Variants in CDK5RAP2 observed in about 807,000 individuals in gnomAD.
CDK5RAP2 encodes CDK5 regulatory subunit-associated protein 2.
In CDK5RAP2, 147 loss-of-function variants were observed where a neutral mutation model predicts 232.9. The ratio of observed to expected loss-of-function variants is 0.63; its 90% CI spans 0.55 to 0.72. The LOEUF (loss-of-function observed/expected upper bound fraction) is 0.72. CDK5RAP2 is among the 30% of genes least tolerant of loss of function. The probability of loss-of-function intolerance (pLI) is 0.00; values close to 1 mark genes in which losing one functional copy is unlikely to be tolerated. For synonymous variants in CDK5RAP2, 833 were observed against 833.7 expected, an observed-to-expected ratio of 1.00 and a Z score of 0.01; for missense variants, 2,195 against 2,231.5, an observed-to-expected ratio of 0.98 and a Z score of 0.33.
At chr9:120,552,195 A>G (rs2042067003) in intron 3 of CDK5RAP2, among the ~76,000 whole-genome samples, 1 of 152,000 alleles carries the variant, frequency 6.6e-6, no homozygotes, top group African/African-American at 2.4e-5. Context: ...AGGAAACAAC[A>G]GGTGCTGGAG....
Position 120,471,863 on chromosome 9 carries a change from C to T in CDK5RAP2, c.1743G>A (p.Gln581=). 6.2e-7 allele frequency: 1 copy of T among 1,614,118 alleles called. No individual in the cohort carries two copies. Among genetic ancestry groups the T allele is most frequent in the Non-Finnish European group, 8.5e-7 (1 of 1,179,970 alleles). The stretch of plus-strand genomic sequence containing the variant: ...GGGCAAAAATCTTGTTTAACTCAGC[C>T]TGCAGGTTGTTGATACTTGGTAAAA... The part of the protein sequence containing the change: ...LQESDSINNL[Q]AELNKIFALR... Residue 581 remains glutamine (Q), a synonymous_variant, in exon 16 of 38, where the codon CAG becomes CAA. Transcript: ENST00000349780.
At chr9:120,492,651 T>A (rs2038965364) in intron 12 of CDK5RAP2, among the ~76,000 whole-genome samples, 1 of 152,200 alleles carries the variant, frequency 6.6e-6, no homozygotes. Flanking sequence ...TGAAGCAGAA[T>A]AATTTGTACA....
In CDK5RAP2 at chr9:120,453,745, T is replaced by C. The variant is rs2036601047; in HGVS notation, c.2504A>G (p.His835Arg). The C allele has an allele frequency of 6.2e-7, 1 of 1,614,200 alleles. No individual in the cohort carries two copies. Among genetic ancestry groups the C allele is most frequent in the Non-Finnish European group, 8.5e-7 (1 of 1,180,038 alleles). ...KTPKQKGELV[H>R]FVQTNSFSKP... The stretch of plus-strand genomic sequence containing the variant: ...GGAAAATGAGTTGGTTTGGACAAAA[T>C]GTACAAGTTCACCTTTTTGCTTAGG... The change falls in exon 21 of 38, where the codon CAT becomes CGT. Residue 835 changes from histidine to arginine, a missense_variant. His to Arg is a conservative substitution (Grantham distance 29, BLOSUM62 0). Coordinates refer to ENST00000349780, the MANE Select transcript of CDK5RAP2 (RefSeq NM_018249.6).
At chr9:120,496,042 T>C (rs1381673833) in intron 12 of CDK5RAP2, among the ~76,000 whole-genome samples, 34 of 60,120 alleles carry the variant, frequency 5.7e-4, no homozygotes, top group African/African-American at 1.5e-3. Flanking sequence ...GGGTCAGCCC[T>C]CCGCCCGGCC....
chr9:120,508,540 T>C (rs1335731545), intron 12 of CDK5RAP2, among the ~76,000 whole-genome samples: 2 of 152,242 alleles, frequency 1.3e-5, no homozygotes, highest in Non-Finnish European at 2.9e-5. Context: ...ACTGCACAAG[T>C]TCTGAGCAAA....
intron 2 of CDK5RAP2, among the ~76,000 whole-genome samples, chr9:120,570,989 G>A (rs539416104): frequency 1.3e-5 from 2 of 152,168 alleles, no homozygotes; most frequent in African/African-American, 2.4e-5. Context: ...TGGCAAAACC[G>A]TCCTGCAAAA....
rs768075747 is a variant in CDK5RAP2, at chr9:120,389,197, G to A, written c.*39C>T. ...TGGAACAAAGAGACAGCGTGAGCTC[G>A]GTGGGGGAAGCACAAGCTTTATTGG... On this transcript the variant is annotated 3_prime_UTR_variant, in exon 38 of 38. Coordinates refer to ENST00000349780, the MANE Select transcript of CDK5RAP2 (RefSeq NM_018249.6). 2.1e-5 allele frequency: 33 copies of A among 1,559,162 alleles called. No individual in the cohort carries two copies. The highest frequency in any genetic ancestry group is 4.1e-5 in the African/African-American group (3 of 73,746).
intron 15 of CDK5RAP2, among the ~76,000 whole-genome samples, chr9:120,476,095 AAC>A (rs1423203250): frequency 1.3e-5 from 2 of 152,194 alleles, no homozygotes; most frequent in African/African-American, 2.4e-5. Context: ...TACAGGCAGG[AAC>A]ACACAGCCCA....
intron 7 of CDK5RAP2, among the ~76,000 whole-genome samples, chr9:120,533,431 A>G (rs1316116666): frequency 2.6e-5 from 4 of 152,018 alleles, no homozygotes; most frequent in Non-Finnish European, 5.9e-5. Flanking sequence ...CCTCCACCCA[A>G]AAACATTTCC....
At chr9:120,540,117 T>TCTC (rs1253290210) in intron 5 of CDK5RAP2, among the ~76,000 whole-genome samples, 1 of 152,090 alleles carries the variant, frequency 6.6e-6, no homozygotes, top group East Asian at 1.9e-4. Flanking sequence ...TGGAATATTC[T>TCTC]CTCCACATGA....
intron 22 of CDK5RAP2, among the ~76,000 whole-genome samples, chr9:120,446,944 C>G (rs76040458): frequency 6.6e-6 from 1 of 152,152 alleles, no homozygotes; most frequent in African/African-American, 2.4e-5. Flanking sequence ...TATTTTCTCA[C>G]GTTGTACATA....
At chr9:120,413,824 GGAGGGA>G (rs2034020453) in intron 28 of CDK5RAP2, among the ~76,000 whole-genome samples, 2 of 134,634 alleles carry the variant, frequency 1.5e-5, no homozygotes, top group African/African-American at 6.6e-5. Flanking sequence ...GGAGGAGGGA[GGAGGGA>G]GGAGGGAGGA....
chr9:120,526,376 A>T (rs145652715), intron 10 of CDK5RAP2, among the ~76,000 whole-genome samples: 1 of 152,146 alleles, frequency 6.6e-6, no homozygotes, highest in Non-Finnish European at 1.5e-5. Context: ...AGTCAGTGGC[A>T]CCACCATACC....
Position 120,470,141 on chromosome 9 carries a change from T to C in CDK5RAP2, c.1938A>G (p.Glu646=). Reference sequence around the variant, plus strand: ...TCTTAAGTTCTTCTTGAGAAAAATGTTCCACTTGAAACCGATTGTTTTCTT... The same window carrying C: ...TCTTAAGTTCTTCTTGAGAAAAATGCTCCACTTGAAACCGATTGTTTTCTT... ...CLEENNRFQV[E]HFSQEELKKK... The change falls in exon 17 of 38, where the codon GAA becomes GAG. Residue 646 remains glutamate (E), a synonymous_variant. Coordinates refer to ENST00000349780, the MANE Select transcript of CDK5RAP2 (RefSeq NM_018249.6). 1 of 1,582,112 alleles carries C rather than the reference T, an allele frequency of 6.3e-7. No homozygotes were observed. The highest frequency in any genetic ancestry group is 8.7e-7 in the Non-Finnish European group (1 of 1,152,528).
chr9:120,555,981 G>T (rs1395439135), intron 3 of CDK5RAP2, among the ~76,000 whole-genome samples: 1 of 152,180 alleles, frequency 6.6e-6, no homozygotes, highest in Non-Finnish European at 1.5e-5. Context: ...TCTGGGAAAA[G>T]CAAAATTACA....
chr9:120,534,868 G>A lies in CDK5RAP2; in HGVS notation c.662+1504C>T, dbSNP rs558201734. On this transcript the variant is annotated intron_variant, in intron 7 of 37. Coordinates refer to ENST00000349780, the MANE Select transcript of CDK5RAP2 (RefSeq NM_018249.6). ...AAGACAAGCCCATAAGCCTTCTAAGGGCTTCACTGCTGATGGGTTGGGAGA... is the reference window on the plus strand; with the variant it reads ...AAGACAAGCCCATAAGCCTTCTAAGAGCTTCACTGCTGATGGGTTGGGAGA... Among the ~76,000 whole-genome samples, 228 of 152,286 alleles carry A rather than the reference G, an allele frequency of 1.5e-3. 1 individual carries two copies. The highest frequency in any genetic ancestry group is 5.3e-3 in the African/African-American group (222 of 41,576).
chr9:120,428,708 A>T (rs1266618189), intron 25 of CDK5RAP2, among the ~76,000 whole-genome samples: 1 of 152,198 alleles, frequency 6.6e-6, no homozygotes, highest in African/African-American at 2.4e-5. Flanking sequence ...TTCCTTCTGA[A>T]ACTATTCCAA....
chr9:120,454,792 C>T (rs1213685345), intron 20 of CDK5RAP2, among the ~76,000 whole-genome samples: 3 of 152,214 alleles, frequency 2.0e-5, no homozygotes, highest in South Asian at 2.1e-4. Context: ...ATCCTTCAGA[C>T]GGACCACACA....
intron 11 of CDK5RAP2, among the ~76,000 whole-genome samples, chr9:120,520,283 T>C (rs1221647494): frequency 6.6e-6 from 1 of 152,214 alleles, no homozygotes; most frequent in East Asian, 1.9e-4. Context: ...AGTGGCTCGC[T>C]GCCTGTAATC....
Sources: allele counts gnomAD v4.1 joint callset (sites outside exome capture counted in the v4.1 genomes callset), GRCh38; gene constraint gnomAD v4.1.1; transcripts MANE v1.5; gene names NCBI Gene and HGNC (gene_info 2026-07-23, HGNC 2026-07-21).